The following HELLS variants were observed in gnomAD, a reference collection of about 807,000 sequenced individuals.
HELLS encodes helicase, lymphoid specific.
A neutral mutation model predicts 120.0 loss-of-function variants in HELLS; 32 were observed. The ratio of observed to expected loss-of-function variants is 0.27; its 90% CI spans 0.20 to 0.36. The LOEUF is 0.36. Ranked by LOEUF, HELLS falls within the 10% of genes least tolerant of loss-of-function variation. The pLI is 1.00. For missense variants in HELLS, 650 were observed against 993.4 expected (o/e 0.65, Z 4.65); for synonymous variants, 341 against 323.4 (o/e 1.05, Z -0.58).
At chr10:94,590,010 T>G (rs1004747024) in intron 13 of HELLS, among the ~76,000 whole-genome samples, 1 of 152,104 alleles carries the variant, frequency 6.6e-6, no homozygotes, top group Non-Finnish European at 1.5e-5. Context: ...TAATAATTAA[T>G]TATAATTAAA....
At chr10:94,565,318 G>C (rs1466880586) in intron 6 of HELLS, among the ~76,000 whole-genome samples, 18 of 149,114 alleles carry the variant, frequency 1.2e-4, no homozygotes, top group Admixed American at 1.2e-3. Context: ...CTGGGCAGCA[G>C]AGCAAGACTC....
intron 18 of HELLS, among the ~76,000 whole-genome samples, chr10:94,594,420 C>A (rs1845644896): frequency 1.3e-5 from 2 of 152,146 alleles, no homozygotes; most frequent in African/African-American, 4.8e-5. Flanking sequence ...CTCATATGAT[C>A]CTCCTGCCTT....
chr10:94,574,107 C>G lies in HELLS; in HGVS notation c.625C>G (p.Pro209Ala), dbSNP rs147348208. Reference protein sequence around the residue: ...FDPVRKCNGQPVPFQQPKHFT... With the variant: ...FDPVRKCNGQAVPFQQPKHFT... ...CCCAGTCCGGAAGTGTAATGGTCAG[C>G]CAGTACCTTTTCAACAACCAAAGCA... The change falls in exon 8 of 22, where the codon CCA becomes GCA. Residue 209 changes from proline to alanine, a missense_variant. By Grantham distance (27) the Pro-to-Ala change is conservative (BLOSUM62 -1). Transcript: ENST00000348459. The G allele has an allele frequency of 3.7e-6, 6 of 1,613,862 alleles. No homozygotes were observed. In the African/African-American group the frequency reaches 4.0e-5, roughly 11 times the overall value.
At chr10:94,587,868 C>A (rs1255186807) in intron 12 of HELLS, among the ~76,000 whole-genome samples, 1 of 152,018 alleles carries the variant, frequency 6.6e-6, no homozygotes, top group Non-Finnish European at 1.5e-5. Flanking sequence ...AATTTTTATT[C>A]ATTTTTATTA....
At chr10:94,566,198 T>C (rs1457095222) in intron 6 of HELLS, among the ~76,000 whole-genome samples, 1 of 152,148 alleles carries the variant, frequency 6.6e-6, no homozygotes, top group Admixed American at 6.6e-5. Flanking sequence ...TGGATGTTTA[T>C]ACACCATATT....
intron 10 of HELLS, among the ~76,000 whole-genome samples, chr10:94,578,070 CAAAAAAAAA>C (rs58732872): frequency 0.063 from 3,840 of 60,934 alleles, 156 homozygotes; most frequent in African/African-American, 0.18. Flanking sequence ...GACTCCGTCT[CAAAAAAAAA>C]AAAAAAAAAA....
At chr10:94,555,097 G>C (rs1377561220) in intron 3 of HELLS, among the ~76,000 whole-genome samples, 1 of 151,704 alleles carries the variant, frequency 6.6e-6, no homozygotes, top group Non-Finnish European at 1.5e-5. Context: ...GAACTGTGAT[G>C]GCACCACTGC....
At chr10:94,593,182 GTCAATTCT>G (rs1406428317) in intron 17 of HELLS, among the ~76,000 whole-genome samples, 1 of 152,242 alleles carries the variant, frequency 6.6e-6, no homozygotes, top group East Asian at 1.9e-4. Flanking sequence ...CCCCCTTCTA[GTCAATTCT>G]CCCCTGCACC....
intron 21 of HELLS, among the ~76,000 whole-genome samples, chr10:94,598,332 A>G (rs1279943719): frequency 6.6e-6 from 1 of 152,180 alleles, no homozygotes; most frequent in Non-Finnish European, 1.5e-5. Flanking sequence ...CTTGCTTTGT[A>G]TTCCTGGCTA....
At position 94,558,124 on chromosome 10, in the gene HELLS, A is replaced by G. The variant is rs1364228111; in HGVS notation, c.277-15A>G. On this transcript the variant is annotated splice_polypyrimidine_tract_variant and intron_variant, in intron 3 of 21. Coordinates refer to ENST00000348459, the MANE Select transcript of HELLS (RefSeq NM_018063.5). Reference sequence around the variant, plus strand: ...GCACTTTCCACTTGTGACATAAGAAAAAATTGTCTTACAGGAACAGAAGAA... The same window carrying G: ...GCACTTTCCACTTGTGACATAAGAAGAAATTGTCTTACAGGAACAGAAGAA... The G allele has an allele frequency of 1.9e-6, 3 of 1,559,384 alleles. No homozygotes were observed. Among genetic ancestry groups the G allele is most frequent in the East Asian group, 4.6e-5 (2 of 43,174 alleles).
intron 6 of HELLS, among the ~76,000 whole-genome samples, chr10:94,564,621 T>C (rs1351147067): frequency 6.6e-6 from 1 of 152,178 alleles, no homozygotes; most frequent in African/African-American, 2.4e-5. Context: ...ATTCTTCCTT[T>C]TTTTTTCTTG....
intron 12 of HELLS, among the ~76,000 whole-genome samples, chr10:94,584,507 G>T (rs1845025175): frequency 6.6e-6 from 1 of 152,094 alleles, no homozygotes; most frequent in Admixed American, 6.5e-5. Flanking sequence ...TTTAGGAAGA[G>T]ATGTGTTTGG....
chr10:94,600,894 T>G (rs1369888534), intron 21 of HELLS, among the ~76,000 whole-genome samples: 1 of 152,094 alleles, frequency 6.6e-6, no homozygotes, highest in Non-Finnish European at 1.5e-5. Flanking sequence ...CCACAAATAA[T>G]ATTTGCAACA....
At chr10:94,600,385 C>T (rs1400655672) in intron 21 of HELLS, among the ~76,000 whole-genome samples, 4 of 151,560 alleles carry the variant, frequency 2.6e-5, no homozygotes, top group Non-Finnish European at 2.9e-5. Flanking sequence ...AGAACCAAGA[C>T]AGTTTTGAAG....
intron 15 of HELLS, among the ~76,000 whole-genome samples, chr10:94,591,185 T>C (rs957451026): frequency 6.6e-6 from 1 of 152,200 alleles, no homozygotes; most frequent in Non-Finnish European, 1.5e-5. Flanking sequence ...AACTAAGAAT[T>C]CTAAATTTAG....
At chr10:94,571,591 C>T (rs1220731454) in intron 7 of HELLS, among the ~76,000 whole-genome samples, 162 bp downstream of exon 7, 1 of 151,978 alleles carries the variant, frequency 6.6e-6, no homozygotes, top group Non-Finnish European at 1.5e-5. Flanking sequence ...ATCCAACATT[C>T]TTCTTTTTTA....
downstream of HELLS, among the ~76,000 whole-genome samples, chr10:94,602,655 T>C (rs994833227): frequency 6.6e-6 from 1 of 152,134 alleles, no homozygotes; most frequent in Non-Finnish European, 1.5e-5. Context: ...AAGAAAAACT[T>C]AATTTTTTTT....
At chr10:94,583,762 T>C (rs1234010698) in intron 12 of HELLS, among the ~76,000 whole-genome samples, 1 of 152,156 alleles carries the variant, frequency 6.6e-6, no homozygotes, top group Admixed American at 6.5e-5. Flanking sequence ...AAAAATAAAA[T>C]TGTTCCTTAA....
exon 10 of HELLS, chr10:94,610,296 A>C (rs1429843258): frequency 2.6e-5 from 4 of 152,172 alleles, no homozygotes; most frequent in African/African-American, 9.7e-5. Context: ...GTTTCCTAGA[A>C]TTAAAGAAAT....
Sources: gnomAD v4.1 joint callset for allele counts (sites outside exome capture counted in the v4.1 genomes callset) on GRCh38, gnomAD v4.1.1 for gene constraint, MANE v1.5 for transcripts, NCBI Gene and HGNC (gene_info 2026-07-23, HGNC 2026-07-21) for gene names.